GGTA1: variants seen among roughly 807,000 people sequenced by gnomAD.
The protein encoded by GGTA1 is inactive N-acetyllactosaminide alpha-1,3-galactosyltransferase.
GGTA1 carries 5 observed loss-of-function variants against 2.6 expected under a neutral mutation model. The observed-to-expected ratio is 1.92, with a 90% CI of 1.00 to 4.04. The LOEUF is 4.04. Ranked by LOEUF, GGTA1 falls within the 30% of genes most tolerant of loss-of-function variation. The pLI, the probability that GGTA1 is intolerant of heterozygous loss-of-function variation, is 0.00. For missense variants in GGTA1, 50 were observed against 16.7 expected (o/e 2.99, Z -3.47); for synonymous variants, 17 against 5.0 (o/e 3.38, Z -3.19).
At chr9:121,466,779 C>A (rs1402626080) in intron 2 of GGTA1, among the ~76,000 whole-genome samples, 2 of 151,962 alleles carry the variant, frequency 1.3e-5, no homozygotes, top group East Asian at 3.9e-4. Context: ...ATGGTGAAAC[C>A]CTGTCTCCAC....
chr9:121,482,742 C>T (rs370864126), intron 1 of GGTA1, among the ~76,000 whole-genome samples: 2 of 151,804 alleles, frequency 1.3e-5, no homozygotes, highest in Non-Finnish European at 2.9e-5. Context: ...GCACTCCAGC[C>T]CGGGCAATAG....
At position 121,455,675 on chromosome 9, in the gene GGTA1, T is replaced by G. The variant is rs984597281; in HGVS notation, c.*162A>C. 15 of 313,346 alleles carry G rather than the reference T, an allele frequency of 4.8e-5. No homozygotes were observed. The highest frequency in any genetic ancestry group is 2.8e-4 in the African/African-American group (13 of 46,304). 19.4% of individuals were successfully genotyped at this position (313,346 alleles called of 1,614,324 possible). ...TATACCAGGTCATCCTGCTAAGCGC[T>G]GAGATGGGAGAAATGAGACCCAGTC... On this transcript the variant is annotated 3_prime_UTR_variant, in exon 6 of 6. Coordinates refer to ENST00000481799, the MANE Select transcript of GGTA1 (RefSeq NM_001382585.1).
chr9:121,487,574 C>CAA lies in GGTA1; in HGVS notation c.-10+12074_-10+12075dup, dbSNP rs35537073. ...CTGGCGACAGAGTGAGACTCTGTCTCAAAAAAAAAAAAAAAAAAAAAAAGC... is the reference window on the plus strand; with the variant it reads ...CTGGCGACAGAGTGAGACTCTGTCTCAAAAAAAAAAAAAAAAAAAAAAAAAGC... On this transcript the variant is annotated intron_variant, in intron 1 of 5. Transcript: ENST00000481799. Among the ~76,000 whole-genome samples the CAA allele has an allele frequency of 6.5e-3, 425 of 65,432 alleles. 1 individual carries two copies. Among genetic ancestry groups the CAA allele is most frequent in the Middle Eastern group, 0.026 (3 of 116 alleles). 42.9% of individuals were successfully genotyped at this position (65,432 alleles called of 152,430 possible).
At chr9:121,450,338 G>A (rs370179315), downstream of GGTA1, among the ~76,000 whole-genome samples, 1 of 152,052 alleles carries the variant, frequency 6.6e-6, no homozygotes, top group South Asian at 2.1e-4. Context: ...GGGGTGGCGG[G>A]GGGGTGGTTT....
At chr9:121,492,720 C>T (rs997576071) in intron 1 of GGTA1, among the ~76,000 whole-genome samples, 5 of 151,978 alleles carry the variant, frequency 3.3e-5, no homozygotes, top group South Asian at 2.1e-4. Flanking sequence ...GTGATCCGCC[C>T]GCCTCGGCCT....
At chr9:121,499,024 C>T (rs1829050172) in intron 1 of GGTA1, among the ~76,000 whole-genome samples, 2 of 152,004 alleles carry the variant, frequency 1.3e-5, no homozygotes, top group Non-Finnish European at 2.9e-5. Context: ...AGGAAACTCC[C>T]GCCTCCCATC....
chr9:121,456,953 T>C (rs1160843109), intron 5 of GGTA1, among the ~76,000 whole-genome samples: 1 of 152,216 alleles, frequency 6.6e-6, no homozygotes, highest in East Asian at 1.9e-4. Flanking sequence ...ATTACAGGCA[T>C]GAGCCACTGC....
intron 1 of GGTA1, among the ~76,000 whole-genome samples, chr9:121,472,216 A>G (rs1249055072): frequency 6.6e-6 from 1 of 152,252 alleles, no homozygotes; most frequent in Non-Finnish European, 1.5e-5. Flanking sequence ...GTGCTGCTGC[A>G]CCAGGAATGT....
intron 1 of GGTA1, among the ~76,000 whole-genome samples, chr9:121,473,274 C>A (rs1167077624): frequency 7.1e-6 from 1 of 141,526 alleles, no homozygotes; most frequent in African/African-American, 2.7e-5. Context: ...GAGCAAAGAT[C>A]ATGCCACTGC....
intron 1 of GGTA1, among the ~76,000 whole-genome samples, chr9:121,485,066 G>A (rs765454138): frequency 6.6e-6 from 1 of 152,208 alleles, no homozygotes; most frequent in South Asian, 2.1e-4. Context: ...AAATAGTCCG[G>A]TGTAGAATGG....
intron 5 of GGTA1, among the ~76,000 whole-genome samples, chr9:121,457,861 G>C (rs943669120): frequency 1.3e-4 from 20 of 151,400 alleles, no homozygotes; most frequent in African/African-American, 4.9e-4. Context: ...ACCTTGATAT[G>C]GAAATATGCA....
Position 121,470,640 on chromosome 9 carries a change from C to T in GGTA1, c.-9-2709G>A, listed in dbSNP as rs193254352. Among the ~76,000 whole-genome samples, 462 of 152,340 alleles carry T rather than the reference C, an allele frequency of 3.0e-3. 4 individuals carry two copies. The highest frequency in any genetic ancestry group is 5.6e-3 in the Admixed American group (85 of 15,300). ...GACAGTGAAAGACATCAGACCTAAC[C>T]AATTCCATCTTGCTCCTAACCTCTA... On this transcript the variant is annotated intron_variant, in intron 1 of 5. Transcript: ENST00000481799.
chr9:121,498,332 A>T (rs1037230778), intron 1 of GGTA1, among the ~76,000 whole-genome samples: 1 of 152,206 alleles, frequency 6.6e-6, no homozygotes, highest in African/African-American at 2.4e-5. Flanking sequence ...GATAACTTAG[A>T]TCCACATGCT....
intron 1 of GGTA1, among the ~76,000 whole-genome samples, chr9:121,473,356 C>T (rs150222077): frequency 9.3e-5 from 14 of 150,310 alleles, no homozygotes; most frequent in African/African-American, 2.7e-4. Context: ...AATTGGAAGC[C>T]GTCCGAACGA....
intron 1 of GGTA1, among the ~76,000 whole-genome samples, chr9:121,491,049 T>C (rs572013727): frequency 6.6e-6 from 1 of 152,234 alleles, no homozygotes; most frequent in South Asian, 2.1e-4. Context: ...GTTTGCTACA[T>C]CAAACACCAA....
chr9:121,494,565 T>C (rs12346506), intron 1 of GGTA1: 33,228 of 152,304 alleles, frequency 0.22, 4,326 homozygotes, highest in Non-Finnish European at 0.3. Context: ...CTCAGGGGGC[T>C]GAGGTGGGAG....
chr9:121,484,806 G>T (rs1449791184), intron 1 of GGTA1, among the ~76,000 whole-genome samples: 1 of 152,204 alleles, frequency 6.6e-6, no homozygotes, highest in African/African-American at 2.4e-5. Context: ...GACACGCAGA[G>T]TGATCCTCCT....
intron 5 of GGTA1, among the ~76,000 whole-genome samples, chr9:121,459,356 A>G (rs1237931581): frequency 1.3e-5 from 2 of 152,206 alleles, no homozygotes; most frequent in East Asian, 3.8e-4. Context: ...CAGGAGGCTA[A>G]GCCTGGGAGG....
intron 5 of GGTA1, among the ~76,000 whole-genome samples, chr9:121,457,860 T>A (rs932381244): frequency 2.6e-5 from 4 of 150,954 alleles, no homozygotes; most frequent in Non-Finnish European, 5.9e-5. Context: ...GACCTTGATA[T>A]GGAAATATGC....
Sources: allele counts gnomAD v4.1 joint callset (sites outside exome capture counted in the v4.1 genomes callset), GRCh38; gene constraint gnomAD v4.1.1; transcripts MANE v1.5; gene names NCBI Gene and HGNC (gene_info 2026-07-23, HGNC 2026-07-21).